Variants in BBX observed in about 807,000 individuals in gnomAD.
The protein encoded by BBX is BBX high mobility group box domain containing, also known as HMG box transcription factor BBX.
In BBX, 30 loss-of-function variants were observed where a neutral mutation model predicts 100.2. That is an observed-to-expected ratio of 0.30 (90% confidence interval 0.22 to 0.41). BBX has a LOEUF of 0.41. Among genes scored for constraint, BBX ranks in the 10% least tolerant of loss-of-function variants. BBX has a pLI of 1.00. For missense variants in BBX, 1,023 were observed against 1,129.8 expected (o/e 0.91, Z 1.35); for synonymous variants, 376 against 388.1 (o/e 0.97, Z 0.37).
At chr3:107,673,301 A>G (rs2059118010) in intron 3 of BBX, among the ~76,000 whole-genome samples, 1 of 152,074 alleles carries the variant, frequency 6.6e-6, no homozygotes, top group East Asian at 1.9e-4. Flanking sequence ...GTGTAATGAC[A>G]ATTAGATATG....
intron 7 of BBX, among the ~76,000 whole-genome samples, chr3:107,734,631 T>C (rs2063525023): frequency 6.6e-6 from 1 of 152,198 alleles, no homozygotes; most frequent in South Asian, 2.1e-4. Flanking sequence ...TCTTAACTAT[T>C]TAAATTATCA....
At chr3:107,650,258 C>A (rs1014907986) in intron 3 of BBX, among the ~76,000 whole-genome samples, 20 of 152,012 alleles carry the variant, frequency 1.3e-4, no homozygotes, top group Non-Finnish European at 1.8e-4. Context: ...AGATCAGCAG[C>A]GGCATTAGAT....
intron 10 of BBX, among the ~76,000 whole-genome samples, chr3:107,760,717 C>CAA (rs3053284): frequency 0.99 from 150,362 of 152,262 alleles, 74,268 homozygotes; most frequent in Middle Eastern, 1. Flanking sequence ...GGGGAAAAAA[C>CAA]TGATGATGGT....
intron 2 of BBX, among the ~76,000 whole-genome samples, chr3:107,610,170 T>C (rs2054738033): frequency 6.6e-6 from 1 of 152,162 alleles, no homozygotes; most frequent in Non-Finnish European, 1.5e-5. Flanking sequence ...AATTTCCATG[T>C]GTTTAAGTTT....
At chr3:107,768,591 C>G (rs1308347230) in intron 10 of BBX, among the ~76,000 whole-genome samples, 2 of 151,696 alleles carry the variant, frequency 1.3e-5, no homozygotes, top group African/African-American at 4.8e-5. Flanking sequence ...AAGAGATAAA[C>G]TTAATAAGAA....
At chr3:107,535,280 C>A (rs770494511) in intron 2 of BBX, among the ~76,000 whole-genome samples, 2 of 152,108 alleles carry the variant, frequency 1.3e-5, no homozygotes, top group Non-Finnish European at 1.5e-5. Flanking sequence ...TCTTCATTTT[C>A]AAGTAATAAG....
At chr3:107,643,246 G>A (rs746590684) in intron 2 of BBX, among the ~76,000 whole-genome samples, 5 of 152,154 alleles carry the variant, frequency 3.3e-5, no homozygotes, top group South Asian at 4.1e-4. Context: ...TTGCTTCAGC[G>A]TGTGTCAGTG....
chr3:107,652,867 C>T (rs2057921918), intron 3 of BBX, among the ~76,000 whole-genome samples: 1 of 152,088 alleles, frequency 6.6e-6, no homozygotes, highest in Non-Finnish European at 1.5e-5. Flanking sequence ...TATATGTATA[C>T]ATGTAATTCT....
chr3:107,740,788 A>G (rs777471701), intron 7 of BBX, among the ~76,000 whole-genome samples: 6 of 151,756 alleles, frequency 4.0e-5, no homozygotes, highest in African/African-American at 9.7e-5. Flanking sequence ...GATGTTATCT[A>G]TCTTCCACCT....
At chr3:107,759,979 A>C (rs1055148405) in intron 10 of BBX, among the ~76,000 whole-genome samples, 4 of 152,350 alleles carry the variant, frequency 2.6e-5, no homozygotes, top group Non-Finnish European at 5.9e-5. Flanking sequence ...ACTGGCATTT[A>C]TTATCTGCTG....
chr3:107,782,157 C>T (rs1047754087), intron 13 of BBX, among the ~76,000 whole-genome samples: 2 of 152,108 alleles, frequency 1.3e-5, no homozygotes, highest in South Asian at 4.1e-4. Context: ...TTTTGAGTTC[C>T]TTAACAATGC....
intron 11 of BBX, among the ~76,000 whole-genome samples, chr3:107,774,294 A>G (rs2067141826): frequency 1.3e-5 from 2 of 152,214 alleles, no homozygotes; most frequent in Non-Finnish European, 2.9e-5. Context: ...TATTCCAACA[A>G]GACATGTGTG....
chr3:107,556,949 G>C (rs1273591614), intron 2 of BBX, among the ~76,000 whole-genome samples: 2 of 152,122 alleles, frequency 1.3e-5, no homozygotes, highest in Admixed American at 6.5e-5. Flanking sequence ...TTTCTAGAAT[G>C]CTTTATCTTA....
rs548327004 is a variant in BBX, at chr3:107,787,030, A to C, written c.2204-2757A>C. ...TATAACAAATACGTGGCCGATAAGT[A>C]CAAGAAAATCCAGTTAATATCATCA... On this transcript the variant is annotated intron_variant, in intron 13 of 17. Coordinates refer to ENST00000325805, the MANE Select transcript of BBX (RefSeq NM_001142568.3). Among the ~76,000 whole-genome samples the C allele has an allele frequency of 3.3e-5, 5 of 152,352 alleles. No individual in the cohort carries two copies. The South Asian group carries it at 1.0e-3, about 32-fold the overall frequency.
chr3:107,691,420 C>A (rs539000380), intron 3 of BBX, among the ~76,000 whole-genome samples: 5 of 152,012 alleles, frequency 3.3e-5, no homozygotes, highest in African/African-American at 4.8e-5. Flanking sequence ...TAAATAACAC[C>A]TGAAAGAAAT....
chr3:107,708,271 C>A (rs1267109823), intron 3 of BBX, among the ~76,000 whole-genome samples: 1 of 152,232 alleles, frequency 6.6e-6, no homozygotes, highest in African/African-American at 2.4e-5. Flanking sequence ...GTCAGCCACA[C>A]AAGTCATGTA....
intron 3 of BBX, among the ~76,000 whole-genome samples, chr3:107,658,639 CA>C (rs2058274479): frequency 6.6e-6 from 1 of 152,078 alleles, no homozygotes; most frequent in South Asian, 2.1e-4. Context: ...TAAAGATAAA[CA>C]AGACTTGCCC....
At chr3:107,712,804 C>G (rs975730405) in intron 4 of BBX, among the ~76,000 whole-genome samples, 1 of 152,214 alleles carries the variant, frequency 6.6e-6, no homozygotes, top group African/African-American at 2.4e-5. Flanking sequence ...GCTCACTGCT[C>G]TCTGTGCTCA....
chr3:107,769,013 G>C (rs946625357), intron 10 of BBX, among the ~76,000 whole-genome samples: 3 of 17,208 alleles, frequency 1.7e-4, no homozygotes, highest in African/African-American at 2.9e-4. Flanking sequence ...GGGGCGGCGG[G>C]GGGGGGGAGC....
Sources: allele counts gnomAD v4.1 joint callset (sites outside exome capture counted in the v4.1 genomes callset), GRCh38; gene constraint gnomAD v4.1.1; transcripts MANE v1.5; gene names NCBI Gene and HGNC (gene_info 2026-07-23, HGNC 2026-07-21).